FZR1: variants seen among roughly 807,000 people sequenced by gnomAD.
FZR1 encodes the protein fizzy-related protein homolog.
FZR1 carries 11 observed loss-of-function variants against 63.6 expected under a neutral mutation model. The observed-to-expected ratio is 0.17, with a 90% CI of 0.11 to 0.29. The LOEUF (loss-of-function observed/expected upper bound fraction) is 0.29. Among genes scored for constraint, FZR1 ranks in the 10% least tolerant of loss-of-function variants. FZR1 has a pLI of 1.00. For synonymous variants in FZR1, 328 were observed against 297.9 expected (o/e 1.10, Z -1.04); for missense variants, 440 against 687.5 (o/e 0.64, Z 4.03).
intron 6 of FZR1, 76 bp downstream of exon 6, chr19:3,527,138 TC>T: frequency 8.5e-7 from 1 of 1,175,750 alleles, no homozygotes; most frequent in African/African-American, 1.5e-5. Context: ...CCCAGCTTCC[TC>T]CGCAGCCCTG....
At position 3,527,667 on chromosome 19, in the gene FZR1, C is replaced by G. The variant is rs2083174357; in HGVS notation, c.507C>G (p.Arg169=). The G allele has an allele frequency of 6.2e-7, 1 of 1,611,318 alleles. No homozygotes were observed. Among genetic ancestry groups the G allele is most frequent in the South Asian group, 1.1e-5 (1 of 91,084 alleles). The change falls in exon 7 of 14, where the codon CGC becomes CGG. Residue 169 remains arginine (R), a synonymous_variant. Coordinates refer to ENST00000441788, the MANE Select transcript of FZR1 (RefSeq NM_016263.4). The stretch of plus-strand genomic sequence containing the variant: ...TCCGGTCCCCCCGGAAACCCACCCG[C>G]AAGATCTCCAAGATCCCCTTCAAGG... ...KLLRSPRKPT[R]KISKIPFKVL...
At position 3,526,028 on chromosome 19, in the gene FZR1, CG is replaced by C. The variant is rs777794361; in HGVS notation, c.195+38del. 52 of 1,611,050 alleles carry C rather than the reference CG, an allele frequency of 3.2e-5. 1 individual carries two copies. Among genetic ancestry groups the C allele is most frequent in the Non-Finnish European group, 4.3e-5 (51 of 1,179,226 alleles). ...TGGCTGGGCAGGAGATGGGACCCCC[CG>C]GGAAGCCCAGGGCCCCTCCCAGCCT... is the stretch of plus-strand genomic sequence containing the variant. On this transcript the variant is annotated intron_variant, in intron 3 of 13. Coordinates refer to ENST00000441788, the MANE Select transcript of FZR1 (RefSeq NM_016263.4). The surrounding 1 kb of genome is among the most constrained non-coding windows in gnomAD (Gnocchi z 5.4).
rs1034671579 is a variant in FZR1 at position 3,525,284 on chromosome 19, C to T, written c.70-584C>T. Among the ~76,000 whole-genome samples, 7 of 152,114 alleles carry T rather than the reference C, an allele frequency of 4.6e-5. No homozygotes were observed. Among genetic ancestry groups the T allele is most frequent in the Non-Finnish European group, 7.3e-5 (5 of 68,028 alleles). On this transcript the variant is annotated intron_variant, in intron 2 of 13. Transcript: ENST00000441788. This position sits in a 1 kb window ranked among gnomAD's most constrained non-coding sequence, Gnocchi z 4.2. The stretch of plus-strand genomic sequence containing the variant: ...CCATTCCTGCCACTCCACCCCGTCC[C>T]GTGGCCCTGCCCTCACCACCCTCCT...
intron 2 of FZR1, among the ~76,000 whole-genome samples, chr19:3,523,603 T>C (rs910745971): frequency 1.3e-5 from 2 of 152,236 alleles, no homozygotes; most frequent in Non-Finnish European, 2.9e-5. Context: ...CCTGTTGCTG[T>C]CTACACAACA....
Position 3,532,640 on chromosome 19 carries a change from C to A in FZR1, c.1232C>A (p.Ala411Asp). The A allele has an allele frequency of 6.2e-7, 1 of 1,611,310 alleles. No individual in the cohort carries two copies. The highest frequency in any genetic ancestry group is 1.3e-5 in the African/African-American group (1 of 75,016). Residue 411 changes from alanine (A) to aspartate (D), a missense_variant, in exon 11 of 14, where the codon GCC becomes GAC. This residue lies in a region of FZR1 where 208 missense variants were observed against 363.6 expected (regional missense o/e 0.57). Coordinates refer to ENST00000441788, the MANE Select transcript of FZR1 (RefSeq NM_016263.4). ...TGCAATCTGGCCTGGTCCAAGCACG[C>A]CAACGAGCTGGTGAGCACGGGCGGC... is the stretch of plus-strand genomic sequence containing the variant. ...QVCNLAWSKH[A>D]NELVSTHGYS...
rs144128556 is a variant in FZR1 at position 3,526,631 on chromosome 19, T to C, written c.387+245T>C. ...TCCAGGCTCAGCCTGTTGGGCTTTT[T>C]CTCCCCACACCAATGCTACCTGGGG... On this transcript the variant is annotated intron_variant, in intron 5 of 13. Transcript: ENST00000441788. The surrounding 1 kb of genome is among the most constrained non-coding windows in gnomAD (Gnocchi z 5.4). Among the ~76,000 whole-genome samples the C allele has an allele frequency of 6.5e-3, 996 of 152,268 alleles. 8 individuals carry two copies. Among genetic ancestry groups the C allele is most frequent in the Middle Eastern group, 0.017 (5 of 294 alleles).
intron 1 of FZR1, among the ~76,000 whole-genome samples, chr19:3,520,890 G>A (rs1157643459): frequency 6.6e-6 from 1 of 152,224 alleles, no homozygotes; most frequent in African/African-American, 2.4e-5. Context: ...TGCCTCAGGT[G>A]TCTGTTTCCT....
At chr19:3,506,604 C>T (rs578208233) in intron 1 of FZR1, 130 bp downstream of exon 1, 39 of 151,900 alleles carry the variant, frequency 2.6e-4, no homozygotes, top group Admixed American at 2.0e-3. Context: ...CAGGAGCCCC[C>T]AGTCCCCTCG....
intron 10 of FZR1, 113 bp from the exon 11 acceptor site, chr19:3,532,304 G>A (rs12976172): frequency 5.6e-6 from 5 of 887,946 alleles, no homozygotes; most frequent in African/African-American, 1.7e-5. Flanking sequence ...CCTTGAGGGA[G>A]CAGCAGGAGG....
chr19:3,513,197 CTG>C (rs1440424299), intron 1 of FZR1, among the ~76,000 whole-genome samples: 1 of 152,130 alleles, frequency 6.6e-6, no homozygotes, highest in African/African-American at 2.4e-5. Flanking sequence ...CCCCCTGGCT[CTG>C]TCACCGCCAT....
In FZR1 at chr19:3,526,375, G is replaced by T; in HGVS notation, c.376G>T (p.Gly126Cys). The change falls in exon 5 of 14, where the codon GGT becomes TGT. Residue 126 changes from glycine (G) to cysteine (C), a missense_variant. By Grantham distance (159) the Gly-to-Cys change is radical. Coordinates refer to ENST00000441788, the MANE Select transcript of FZR1 (RefSeq NM_016263.4). The surrounding 1 kb of genome is among the most constrained non-coding windows in gnomAD (Gnocchi z 5.4). The stretch of plus-strand genomic sequence containing the variant: ...GCAGCCCTCCACGCCTGAGAAGAAG[G>T]GTCTGTTCACGGTAAGCCTGCGGCA... ...RLQPSTPEKK[G>C]LFTYSLSTKR... 1.3e-6 allele frequency: 2 copies of T among 1,592,712 alleles called. No individual in the cohort carries two copies. Among genetic ancestry groups the T allele is most frequent in the Non-Finnish European group, 8.5e-7 (1 of 1,171,160 alleles).
rs999826787 is a variant in FZR1, at chr19:3,515,209, A to T, written c.-34-7747A>T. On this transcript the variant is annotated intron_variant, in intron 1 of 13. Coordinates refer to ENST00000441788, the MANE Select transcript of FZR1 (RefSeq NM_016263.4). This position sits in a 1 kb window ranked among gnomAD's most constrained non-coding sequence, Gnocchi z 4.6. ...ACTCACTGATTCACTGCTGATGTGC[A>T]GCGAGGGTCCGGGTTGCTGCTAAAC... Among the ~76,000 whole-genome samples the T allele has an allele frequency of 3.9e-5, 6 of 152,234 alleles. 1 individual carries two copies. Among genetic ancestry groups the T allele is most frequent in the Admixed American group, 3.9e-4 (6 of 15,276 alleles).
intron 7 of FZR1, among the ~76,000 whole-genome samples, chr19:3,529,273 T>C (rs1422234002): frequency 7.9e-6 from 1 of 127,174 alleles, no homozygotes; most frequent in Non-Finnish European, 1.7e-5. Context: ...GGAGAGTGGA[T>C]GAGAGTGGTT....
intron 1 of FZR1, among the ~76,000 whole-genome samples, chr19:3,518,530 A>G (rs1367742081): frequency 1.3e-5 from 2 of 151,966 alleles, no homozygotes; most frequent in South Asian, 2.1e-4. Flanking sequence ...CAGTGCTGGC[A>G]TGGAATACAG....
chr19:3,506,918 C>G (rs1353378974), intron 1 of FZR1, among the ~76,000 whole-genome samples: 2 of 152,200 alleles, frequency 1.3e-5, no homozygotes, highest in Non-Finnish European at 2.9e-5. Context: ...TTCAGACCCT[C>G]CCAGCTTGGG....
Position 3,507,281 on chromosome 19 carries a change from T to C in FZR1, c.-35+807T>C, listed in dbSNP as rs551816579. On this transcript the variant is annotated intron_variant, in intron 1 of 13. Coordinates refer to ENST00000441788, the MANE Select transcript of FZR1 (RefSeq NM_016263.4). Reference sequence around the variant, plus strand: ...CCTCCGTCCTGCGTCCTGCCCCGTGTCTTCTCCAAACGCAAGCCTGGCCAT... The same window carrying C: ...CCTCCGTCCTGCGTCCTGCCCCGTGCCTTCTCCAAACGCAAGCCTGGCCAT... Among the ~76,000 whole-genome samples, 4 of 151,432 alleles carry C rather than the reference T, an allele frequency of 2.6e-5. No individual in the cohort carries two copies. In the East Asian group the frequency reaches 7.7e-4, roughly 29 times the overall value.
intron 1 of FZR1, among the ~76,000 whole-genome samples, chr19:3,519,614 C>A (rs1161350893): frequency 6.6e-6 from 1 of 152,162 alleles, no homozygotes; most frequent in African/African-American, 2.4e-5. Flanking sequence ...CTGGGCAATG[C>A]TGCCTGTGAA....
In FZR1 at chr19:3,527,964, GCCCTCCCAGCCACTA is replaced by G. The variant is rs964230406; in HGVS notation, c.654+162_654+176del. On this transcript the variant is annotated intron_variant, in intron 7 of 13. Transcript: ENST00000441788. ...GGGGCCTCCCAGCCTCCCAGCCACA[GCCCTCCCAGCCACTA>G]CCCTCCCAGCCCTCCCAGCCATGGC... 152 of 560,692 alleles carry G rather than the reference GCCCTCCCAGCCACTA, an allele frequency of 2.7e-4. 1 individual carries two copies. The highest frequency in any genetic ancestry group is 1.5e-3 in the Admixed American group (41 of 26,976). The allele number at this position is 560,692 out of a possible 1,614,324, so 34.7% of individuals were successfully genotyped here.
At chr19:3,529,293 G>A (rs1446025955) in intron 7 of FZR1, among the ~76,000 whole-genome samples, 3 of 147,754 alleles carry the variant, frequency 2.0e-5, no homozygotes, top group African/African-American at 7.6e-5. Context: ...TGAGGAAGTG[G>A]ATGGTTGAGT....
Sources: gnomAD v4.1 joint callset for allele counts (sites outside exome capture counted in the v4.1 genomes callset) on GRCh38, gnomAD v4.1.1 for gene constraint, gnomAD v4.1.1 regional missense constraint, Gnocchi (gnomAD v3.1) non-coding constraint, MANE v1.5 for transcripts, NCBI Gene and HGNC (gene_info 2026-07-23, HGNC 2026-07-21) for gene names.